The following FTO variants were observed in gnomAD, a reference collection of about 807,000 sequenced individuals.
FTO encodes FTO alpha-ketoglutarate dependent dioxygenase, also known as alpha-ketoglutarate-dependent dioxygenase FTO.
In FTO, 47 loss-of-function variants were observed where a neutral mutation model predicts 63.9. The observed-to-expected ratio is 0.74, with a 90% confidence interval of 0.58 to 0.94. The LOEUF (loss-of-function observed/expected upper bound fraction) is 0.94. FTO is among the 40% of genes least tolerant of loss of function. FTO has a pLI of 0.00. For synonymous variants in FTO, 207 were observed against 224.4 expected (o/e 0.92, Z 0.69); for missense variants, 562 against 618.1 (o/e 0.91, Z 0.96).
intron 1 of FTO, among the ~76,000 whole-genome samples, chr16:53,742,831 C>T (rs1309474925): frequency 6.6e-6 from 1 of 152,148 alleles, no homozygotes; most frequent in East Asian, 1.9e-4. Flanking sequence ...GAGCGCTTTC[C>T]ACTAGTGTGC....
intron 7 of FTO, among the ~76,000 whole-genome samples, chr16:53,907,056 G>T (rs1473956444): frequency 6.6e-6 from 1 of 152,144 alleles, no homozygotes; most frequent in East Asian, 1.9e-4. Flanking sequence ...ATTATCATAT[G>T]CAAATCTAAT....
At chr16:53,859,618 A>G (rs1294721479) in intron 4 of FTO, among the ~76,000 whole-genome samples, 1 of 151,564 alleles carries the variant, frequency 6.6e-6, no homozygotes, top group Non-Finnish European at 1.5e-5. Flanking sequence ...TGACCTAAAA[A>G]CGAGCAAAGG....
chr16:53,739,981 A>C (rs1260972903), intron 1 of FTO, among the ~76,000 whole-genome samples: 2 of 152,260 alleles, frequency 1.3e-5, no homozygotes, highest in Non-Finnish European at 2.9e-5. Flanking sequence ...CCACGAGGCA[A>C]ACTGGAAGTC....
chr16:53,746,017 C>T (rs998650688), intron 1 of FTO, among the ~76,000 whole-genome samples: 4 of 152,146 alleles, frequency 2.6e-5, no homozygotes, highest in African/African-American at 9.7e-5. Context: ...TCAGTGAGTG[C>T]ATTCAGCCTT....
chr16:53,772,542 T>C (rs1458697500), intron 1 of FTO, among the ~76,000 whole-genome samples: 2 of 152,130 alleles, frequency 1.3e-5, no homozygotes, highest in Non-Finnish European at 2.9e-5. Flanking sequence ...TCTTCCAACA[T>C]TAAAATGTAA....
At chr16:53,846,970 A>C (rs897069506) in intron 4 of FTO, among the ~76,000 whole-genome samples, 3 of 152,126 alleles carry the variant, frequency 2.0e-5, no homozygotes, top group African/African-American at 4.8e-5. Context: ...GAATATAAAA[A>C]TCAGGTTAAT....
intron 8 of FTO, among the ~76,000 whole-genome samples, 154 bp from the exon 9 acceptor site, chr16:54,111,608 C>T (rs578168782): frequency 7.2e-5 from 11 of 152,278 alleles, no homozygotes; most frequent in African/African-American, 2.4e-4. Context: ...TAAACACCTG[C>T]GTTCCACCTG....
Position 53,810,154 on chromosome 16 carries a change from T to C in FTO, c.60T>C (p.Leu20=), listed in dbSNP as rs762149812. 3 of 1,609,670 alleles carry C rather than the reference T, an allele frequency of 1.9e-6. No homozygotes were observed. The South Asian group carries it at 3.3e-5, about 18-fold the overall frequency. Reference sequence around the variant, plus strand: ...TTTTCAAACAGAAACTGAGGCTTCTTGAAGAGCTTGAAGACACTTGGCTCC... The same window carrying C: ...TTTTCAAACAGAAACTGAGGCTTCTCGAAGAGCTTGAAGACACTTGGCTCC... ...REREAKKLRL[L]EELEDTWLPY... The change falls in exon 2 of 9, where the codon CTT becomes CTC. Residue 20 remains leucine, a synonymous_variant. Transcript: ENST00000471389.
intron 8 of FTO, among the ~76,000 whole-genome samples, chr16:54,006,529 T>C (rs1328847530): frequency 2.0e-5 from 3 of 152,222 alleles, no homozygotes; most frequent in Non-Finnish European, 2.9e-5. Flanking sequence ...TAATGGGAAA[T>C]ACATTTCCTT....
At chr16:53,994,907 T>C (rs143576668) in intron 8 of FTO, among the ~76,000 whole-genome samples, 1,900 of 152,198 alleles carry the variant, frequency 0.012, 26 homozygotes, top group Middle Eastern at 0.048. Flanking sequence ...CTAATTTTTG[T>C]ATTTTTTGGT....
chr16:54,058,044 G>A (rs2085479165), intron 8 of FTO, among the ~76,000 whole-genome samples: 1 of 152,142 alleles, frequency 6.6e-6, no homozygotes, highest in Non-Finnish European at 1.5e-5. Flanking sequence ...GACATGGGTG[G>A]TACTGTGTGG....
At chr16:53,838,964 A>G (rs765964252) in intron 3 of FTO, among the ~76,000 whole-genome samples, 5 of 152,308 alleles carry the variant, frequency 3.3e-5, no homozygotes, top group Non-Finnish European at 7.4e-5. Context: ...TTTTTGTGAT[A>G]TATTTTATTT....
At position 53,939,945 on chromosome 16, in the gene FTO, C is replaced by T. The variant is rs887033116; in HGVS notation, c.1364+5836C>T. On this transcript the variant is annotated intron_variant, in intron 8 of 8. Transcript: ENST00000471389. Reference sequence around the variant, plus strand: ...GACTTTCTGGCTATCATGAATAATGCTGCTGTAAACATTCATGTACAAGTT... The same window carrying T: ...GACTTTCTGGCTATCATGAATAATGTTGCTGTAAACATTCATGTACAAGTT... Among the ~76,000 whole-genome samples, 6 of 152,096 alleles carry T rather than the reference C, an allele frequency of 3.9e-5. No homozygotes were observed. In the South Asian group the frequency reaches 8.3e-4, roughly 21 times the overall value.
chr16:53,805,670 G>A (rs1046592039), intron 1 of FTO, among the ~76,000 whole-genome samples: 4 of 152,012 alleles, frequency 2.6e-5, no homozygotes, highest in South Asian at 4.1e-4. Flanking sequence ...AGCTGGTCTC[G>A]AACTCCTGAG....
At chr16:53,921,564 G>A (rs1341695449) in intron 7 of FTO, among the ~76,000 whole-genome samples, 1 of 152,116 alleles carries the variant, frequency 6.6e-6, no homozygotes, top group African/African-American at 2.4e-5. Flanking sequence ...GTTGTGGTGG[G>A]GTTGGGAGAG....
At chr16:54,079,060 ATTAAT>A (rs2086073341) in intron 8 of FTO, among the ~76,000 whole-genome samples, 1 of 152,216 alleles carries the variant, frequency 6.6e-6, no homozygotes, top group Non-Finnish European at 1.5e-5. Context: ...TTTTTTAACA[ATTAAT>A]TTGATTGTTA....
intron 1 of FTO, among the ~76,000 whole-genome samples, chr16:53,741,528 T>A (rs922310860): frequency 2.0e-5 from 3 of 152,238 alleles, no homozygotes; most frequent in Non-Finnish European, 4.4e-5. Context: ...TAGTACTTAC[T>A]ATATGAATTA....
chr16:54,087,106 A>C (rs533288557), intron 8 of FTO, among the ~76,000 whole-genome samples: 1 of 152,344 alleles, frequency 6.6e-6, no homozygotes, highest in African/African-American at 2.4e-5. Flanking sequence ...CTGTTTGAGC[A>C]TGTGTGCCCA....
chr16:54,022,243 G>A (rs987001616), intron 8 of FTO, among the ~76,000 whole-genome samples: 2 of 152,146 alleles, frequency 1.3e-5, no homozygotes, highest in African/African-American at 2.4e-5. Flanking sequence ...CTAGGTGAGC[G>A]GCTCGTAGTC....
Sources: gnomAD v4.1 joint callset for allele counts (sites outside exome capture counted in the v4.1 genomes callset) on GRCh38, gnomAD v4.1.1 for gene constraint, MANE v1.5 for transcripts, NCBI Gene and HGNC (gene_info 2026-07-23, HGNC 2026-07-21) for gene names.